Variants in BPIFA3 observed in about 807,000 individuals in gnomAD.
BPIFA3 encodes the protein BPI fold-containing family A member 3.
BPIFA3 carries 32 observed loss-of-function variants against 29.7 expected under a neutral mutation model. The observed-to-expected ratio is 1.08, with a 90% CI of 0.81 to 1.45. BPIFA3 has a LOEUF of 1.45. BPIFA3 is among the 40% of genes most tolerant of loss of function. BPIFA3 has a pLI of 0.00. For missense variants in BPIFA3, 323 were observed against 311.3 expected (o/e 1.04, Z -0.28); for synonymous variants, 112 against 113.7 (o/e 0.98, Z 0.10).
chr20:33,227,181 C>T (rs750649586), intron 6 of BPIFA3, among the ~76,000 whole-genome samples, 188 bp downstream of exon 6: 1 of 152,184 alleles, frequency 6.6e-6, no homozygotes, highest in African/African-American at 2.4e-5. Flanking sequence ...GCAGAACGTA[C>T]CCCTACCAAG....
At chr20:33,221,349 G>T (rs1433344950) in intron 1 of BPIFA3, among the ~76,000 whole-genome samples, 1 of 151,972 alleles carries the variant, frequency 6.6e-6, no homozygotes, top group Non-Finnish European at 1.5e-5. Context: ...TAGAGACAGG[G>T]TTTCACCATG....
In BPIFA3 at chr20:33,227,703, C is replaced by G. The variant is rs989643223; in HGVS notation, c.*86C>G. On this transcript the variant is annotated 3_prime_UTR_variant, in exon 7 of 7. Coordinates refer to ENST00000375454, the MANE Select transcript of BPIFA3 (RefSeq NM_178466.5). Reference sequence around the variant, plus strand: ...CTTCTGCTACCCTAAAAACTTTACCCCAGGCTCTGTGGACATACCATCCTC... The same window carrying G: ...CTTCTGCTACCCTAAAAACTTTACCGCAGGCTCTGTGGACATACCATCCTC... 28 of 1,179,666 alleles carry G rather than the reference C, an allele frequency of 2.4e-5. No individual in the cohort carries two copies. The African/African-American group carries it at 3.6e-4, about 15-fold the overall frequency. The allele number at this position is 1,179,666 out of a possible 1,614,324, so 73.1% of individuals were successfully genotyped here.
chr20:33,222,537 T>C (rs2146484934), intron 1 of BPIFA3, among the ~76,000 whole-genome samples: 1 of 150,958 alleles, frequency 6.6e-6, no homozygotes, highest in South Asian at 2.1e-4. Flanking sequence ...AATGGATAAA[T>C]GGATGGATAG....
At chr20:33,226,766 G>T (rs1013665025) in intron 5 of BPIFA3, 164 bp from the exon 6 acceptor site, 1 of 717,812 alleles carries the variant, frequency 1.4e-6, no homozygotes, top group Middle Eastern at 2.4e-4. Flanking sequence ...TCGAAGTGTT[G>T]TGCATGACAC....
In BPIFA3 at chr20:33,217,516, C is replaced by A. The variant is rs753410611; in HGVS notation, c.-21C>A. On this transcript the variant is annotated 5_prime_UTR_variant, in exon 1 of 7. Coordinates refer to ENST00000375454, the MANE Select transcript of BPIFA3 (RefSeq NM_178466.5). ...CCCAGGCCCCATCTGACACTCTTGA[C>A]ATCTGCAGGTCCCAGACCCTATGAT... The A allele has an allele frequency of 6.2e-7, 1 of 1,611,650 alleles. No homozygotes were observed. The highest frequency in any genetic ancestry group is 1.3e-5 in the African/African-American group (1 of 74,814).
chr20:33,221,590 C>A (rs1032097697), intron 1 of BPIFA3, among the ~76,000 whole-genome samples: 16 of 152,116 alleles, frequency 1.1e-4, no homozygotes, highest in African/African-American at 3.6e-4. Flanking sequence ...ATGAATTTAA[C>A]GTCTTTCTGT....
At position 33,217,582 on chromosome 20, in the gene BPIFA3, G is replaced by A. The variant is rs754521603; in HGVS notation, c.46G>A (p.Ala16Thr). 3.7e-6 allele frequency: 6 copies of A among 1,614,122 alleles called. No individual in the cohort carries two copies. Among genetic ancestry groups the A allele is most frequent in the Non-Finnish European group, 5.1e-6 (6 of 1,180,010 alleles). Residue 16 changes from alanine (A) to threonine (T), a missense_variant, in exon 1 of 7, where the codon GCC becomes ACC. Coordinates refer to ENST00000375454, the MANE Select transcript of BPIFA3 (RefSeq NM_178466.5). ...GCTCCTCATCTTCCTCGGGTTGCTG[G>A]CCTTGCCCTTGGCACCACACAAGCA... ...WRLLIFLGLL[A>T]LPLAPHKQPW...
At chr20:33,222,255 C>A (rs1009053192) in intron 1 of BPIFA3, among the ~76,000 whole-genome samples, 1 of 152,256 alleles carries the variant, frequency 6.6e-6, no homozygotes, top group African/African-American at 2.4e-5. Flanking sequence ...TATCCTCATG[C>A]TGGTTCCCAT....
chr20:33,227,407 T>G, intron 6 of BPIFA3, 131 bp from the exon 7 acceptor site: 1 of 722,572 alleles, frequency 1.4e-6, no homozygotes, highest in African/African-American at 1.7e-5. Context: ...TCAGCATCAT[T>G]TGGGGAGGGT....
chr20:33,222,532 A>G (rs1985559239), intron 1 of BPIFA3, among the ~76,000 whole-genome samples: 1 of 151,854 alleles, frequency 6.6e-6, no homozygotes, highest in Non-Finnish European at 1.5e-5. Flanking sequence ...GAATAAATGG[A>G]TAAATGGATG....
Position 33,227,704 on chromosome 20 carries a change from C to A in BPIFA3, c.*87C>A. ...TTCTGCTACCCTAAAAACTTTACCC[C>A]AGGCTCTGTGGACATACCATCCTCT... is the stretch of plus-strand genomic sequence containing the variant. On this transcript the variant is annotated 3_prime_UTR_variant, in exon 7 of 7. Coordinates refer to ENST00000375454, the MANE Select transcript of BPIFA3 (RefSeq NM_178466.5). 1 of 1,160,502 alleles carries A rather than the reference C, an allele frequency of 8.6e-7. No individual in the cohort carries two copies. The highest frequency in any genetic ancestry group is 1.3e-6 in the Non-Finnish European group (1 of 785,308). The allele number at this position is 1,160,502 out of a possible 1,614,324, so 71.9% of individuals were successfully genotyped here.
chr20:33,226,270 C>T (rs1985772776), intron 4 of BPIFA3, 136 bp from the exon 5 acceptor site: 1 of 677,756 alleles, frequency 1.5e-6, no homozygotes, highest in African/African-American at 1.8e-5. Context: ...CTTTGATGAT[C>T]ACTGACAATG....
At position 33,227,678 on chromosome 20, in the gene BPIFA3, C is replaced by A; in HGVS notation, c.*61C>A. 7.1e-7 allele frequency: 1 copy of A among 1,415,554 alleles called. No homozygotes were observed. The highest frequency in any genetic ancestry group is 1.4e-5 in the African/African-American group (1 of 70,860). 87.7% of individuals were successfully genotyped at this position (1,415,554 alleles called of 1,614,324 possible). On this transcript the variant is annotated 3_prime_UTR_variant, in exon 7 of 7. Transcript: ENST00000375454. ...ACCTTAAGTCTCCCTTAGAGTGGGG[C>A]TTCTGCTACCCTAAAAACTTTACCC...
chr20:33,219,744 G>T (rs1446390251), intron 1 of BPIFA3, among the ~76,000 whole-genome samples: 1 of 151,858 alleles, frequency 6.6e-6, no homozygotes, highest in Admixed American at 6.5e-5. Flanking sequence ...CAACATCTTT[G>T]TAAAATGCTG....
Position 33,227,689 on chromosome 20 carries a change from C to T in BPIFA3, c.*72C>T, listed in dbSNP as rs1447015680. 12 of 1,356,186 alleles carry T rather than the reference C, an allele frequency of 8.8e-6. No individual in the cohort carries two copies. The East Asian group carries it at 1.6e-4, about 18-fold the overall frequency. The allele number at this position is 1,356,186 out of a possible 1,614,324, so 84.0% of individuals were successfully genotyped here. On this transcript the variant is annotated 3_prime_UTR_variant, in exon 7 of 7. Transcript: ENST00000375454. ...CCCTTAGAGTGGGGCTTCTGCTACCCTAAAAACTTTACCCCAGGCTCTGTG... is the reference window on the plus strand; with the variant it reads ...CCCTTAGAGTGGGGCTTCTGCTACCTTAAAAACTTTACCCCAGGCTCTGTG...
chr20:33,220,272 C>T (rs1242076194), intron 1 of BPIFA3, among the ~76,000 whole-genome samples: 1 of 151,702 alleles, frequency 6.6e-6, no homozygotes, highest in Non-Finnish European at 1.5e-5. Flanking sequence ...GTGGTGAGGG[C>T]CTGTAGTCCC....
At chr20:33,223,695 C>G in intron 1 of BPIFA3, 116 bp from the exon 2 acceptor site, 1 of 1,108,316 alleles carries the variant, frequency 9.0e-7, no homozygotes. Flanking sequence ...TGGTGACATG[C>G]ACCACTCACT....
intron 1 of BPIFA3, 86 bp downstream of exon 1, chr20:33,217,749 G>A (rs1016292767): frequency 8.2e-6 from 12 of 1,461,378 alleles, no homozygotes; most frequent in Middle Eastern, 1.8e-4. Context: ...TAACCCGCTG[G>A]GTGACTTCAG....
At chr20:33,218,987 C>T (rs999064534) in intron 1 of BPIFA3, among the ~76,000 whole-genome samples, 8 of 152,134 alleles carry the variant, frequency 5.3e-5, no homozygotes, top group Admixed American at 1.3e-4. Context: ...CTCACTGCAA[C>T]GTCCACCTCC....
Sources: gnomAD v4.1 joint callset for allele counts (sites outside exome capture counted in the v4.1 genomes callset) on GRCh38, gnomAD v4.1.1 for gene constraint, MANE v1.5 for transcripts, NCBI Gene and HGNC (gene_info 2026-07-23, HGNC 2026-07-21) for gene names.